Variants in PCDH15 observed in about 807,000 individuals in gnomAD.
The protein encoded by PCDH15 is protocadherin related 15, also known as protocadherin-15.
A neutral mutation model predicts 178.5 loss-of-function variants in PCDH15; 129 were observed. The ratio of observed to expected loss-of-function variants is 0.72; its 90% CI spans 0.63 to 0.84. The LOEUF (loss-of-function observed/expected upper bound fraction) is 0.84, where lower values mean the gene tolerates loss of function less well. PCDH15 is among the 40% of genes least tolerant of loss of function. The probability of loss-of-function intolerance (pLI) is 0.00; values close to 1 mark genes in which losing one functional copy is unlikely to be tolerated. For missense variants in PCDH15, 2,230 were observed against 2,099.9 expected, an observed-to-expected ratio of 1.06 and a Z score of -1.21; for synonymous variants, 800 against 732.0, an observed-to-expected ratio of 1.09 and a Z score of -1.50.
chr10:54,684,843 A>G (rs1309003206), intron 1 of PCDH15, among the ~76,000 whole-genome samples: 2 of 151,996 alleles, frequency 1.3e-5, no homozygotes. Flanking sequence ...AATGTCTGAA[A>G]ACTTAGGCTA....
intron 3 of PCDH15, among the ~76,000 whole-genome samples, chr10:54,887,933 C>T (rs1425743585): frequency 1.3e-5 from 2 of 152,132 alleles, no homozygotes; most frequent in Non-Finnish European, 2.9e-5. Context: ...TGCTCTCCCA[C>T]AATCAAAGTT....
chr10:54,110,512 A>T (rs2094999609), intron 15 of PCDH15, among the ~76,000 whole-genome samples: 1 of 152,132 alleles, frequency 6.6e-6, no homozygotes, highest in Non-Finnish European at 1.5e-5. Flanking sequence ...ATTCCAAATC[A>T]CTCAGCACAC....
intron 1 of PCDH15, among the ~76,000 whole-genome samples, chr10:54,721,497 G>C (rs1173821355): frequency 1.3e-5 from 2 of 151,814 alleles, no homozygotes; most frequent in Non-Finnish European, 2.9e-5. Context: ...ACCAAGGAAA[G>C]AAAGAGATTC....
intron 1 of PCDH15, among the ~76,000 whole-genome samples, chr10:54,752,530 A>AAAAAAC (rs1566128789): frequency 6.8e-5 from 3 of 43,948 alleles, no homozygotes; most frequent in South Asian, 5.4e-4. Context: ...ACAAACAAAC[A>AAAAAAC]AAAAAAAACA....
intron 2 of PCDH15, among the ~76,000 whole-genome samples, chr10:54,581,004 G>A (rs2090987656): frequency 6.6e-6 from 1 of 151,966 alleles, no homozygotes. Context: ...CATACTGAAT[G>A]GGCAAAAGCG....
chr10:55,235,857 A>C (rs1592009360), intron 1 of PCDH15, among the ~76,000 whole-genome samples: 1 of 145,684 alleles, frequency 6.9e-6, no homozygotes, highest in African/African-American at 2.5e-5. Flanking sequence ...CAGTGAGCCG[A>C]GACTGCGCCA....
intron 2 of PCDH15, among the ~76,000 whole-genome samples, chr10:55,003,991 A>C (rs1182529024): frequency 1.3e-5 from 2 of 152,188 alleles, no homozygotes; most frequent in African/African-American, 4.8e-5. Context: ...CAAGTCTGAG[A>C]TTCCCTGTGA....
At chr10:54,790,000 T>C (rs1374329424) in intron 1 of PCDH15, among the ~76,000 whole-genome samples, 1 of 152,004 alleles carries the variant, frequency 6.6e-6, no homozygotes, top group East Asian at 1.9e-4. Context: ...AAGGGTAGCA[T>C]GAAAATCAAG....
intron 1 of PCDH15, among the ~76,000 whole-genome samples, chr10:55,197,015 C>T (rs990331173): frequency 6.6e-6 from 1 of 151,818 alleles, no homozygotes; most frequent in African/African-American, 2.4e-5. Context: ...CCTTTTGTCA[C>T]CATTTTTTTA....
chr10:55,247,145 T>C (rs1295320324), intron 1 of PCDH15, among the ~76,000 whole-genome samples: 1 of 152,210 alleles, frequency 6.6e-6, no homozygotes, highest in Non-Finnish European at 1.5e-5. Flanking sequence ...TAGAGTTTGT[T>C]CATGTTAGTT....
intron 1 of PCDH15, among the ~76,000 whole-genome samples, chr10:55,315,888 T>C (rs759136960): frequency 6.6e-6 from 1 of 152,048 alleles, no homozygotes; most frequent in Non-Finnish European, 1.5e-5. Flanking sequence ...TGGTGGTGCA[T>C]GCCTATAATC....
chr10:53,881,669 G>T (rs2080730994), intron 26 of PCDH15, among the ~76,000 whole-genome samples: 1 of 151,790 alleles, frequency 6.6e-6, no homozygotes, highest in South Asian at 2.1e-4. Flanking sequence ...ATATTCTTAA[G>T]AATAATATTT....
rs189226108 is a variant in PCDH15, at chr10:55,039,809, C to T, written c.-80+126767G>A. 9.9e-5 allele frequency among the ~76,000 whole-genome samples: 15 copies of T among 152,156 alleles called. No individual in the cohort carries two copies. The East Asian group carries it at 1.9e-3, about 20-fold the overall frequency. On this transcript the variant is annotated intron_variant, in intron 2 of 5. Transcript: ENST00000458638. ...CGTTTATAAATGATTTAGTAAATTA[C>T]GCCAATTCCTTAGTTAGAATGAAGT...
At position 54,869,072 on chromosome 10, in the gene PCDH15, T is replaced by C. The variant is rs575724956; in HGVS notation, c.-29+28378A>G. On this transcript the variant is annotated intron_variant, in intron 3 of 5. Coordinates refer to the PCDH15 transcript ENST00000458638. ...CCTCAAAGTGTGTTGTTGGGTGGCT[T>C]CAGAGTTTCCACAAGGCATTTATGA... 10 of 152,268 alleles carry C rather than the reference T, an allele frequency of 6.6e-5. 1 individual carries two copies. The highest frequency in any genetic ancestry group is 2.4e-4 in the African/African-American group (10 of 41,566). 9.4% of individuals were successfully genotyped at this position (152,268 alleles called of 1,614,324 possible).
intron 4 of PCDH15, among the ~76,000 whole-genome samples, chr10:54,377,692 T>C (rs1948650316): frequency 6.6e-6 from 1 of 152,230 alleles, no homozygotes; most frequent in Non-Finnish European, 1.5e-5. Context: ...ATCTGACATT[T>C]GGATTTCATA....
chr10:55,582,628 A>ATATATATATAT (rs780312007), intron 2 of PCDH15, among the ~76,000 whole-genome samples: 6 of 69,044 alleles, frequency 8.7e-5, no homozygotes, highest in Admixed American at 4.1e-4. Context: ...ATATATATAT[A>ATATATATATAT]TTTTTTTTTT....
chr10:54,820,943 T>C (rs550237708), intron 3 of PCDH15, among the ~76,000 whole-genome samples: 2 of 152,188 alleles, frequency 1.3e-5, no homozygotes, highest in African/African-American at 4.8e-5. Context: ...TTAGCTATTT[T>C]AAGAGAAATA....
At chr10:55,565,428 A>G (rs1450147349) in intron 2 of PCDH15, among the ~76,000 whole-genome samples, 1 of 151,672 alleles carries the variant, frequency 6.6e-6, no homozygotes, top group Non-Finnish European at 1.5e-5. Context: ...AGAAAAAGAC[A>G]TATCTCAAAT....
At chr10:55,430,968 C>A (rs1403963152) in intron 2 of PCDH15, among the ~76,000 whole-genome samples, 3 of 152,140 alleles carry the variant, frequency 2.0e-5, no homozygotes, top group Non-Finnish European at 2.9e-5. Context: ...ACTCTAATTT[C>A]TACCTCAGGA....
Sources: gnomAD v4.1 joint callset for allele counts (sites outside exome capture counted in the v4.1 genomes callset) on GRCh38, gnomAD v4.1.1 for gene constraint, MANE v1.5 for transcripts, NCBI Gene and HGNC (gene_info 2026-07-23, HGNC 2026-07-21) for gene names.